The following YJU2 variants were observed in gnomAD, a reference collection of about 807,000 sequenced individuals.
YJU2 encodes splicing factor YJU2.
A neutral mutation model predicts 39.6 loss-of-function variants in YJU2; 28 were observed. The ratio of observed to expected loss-of-function variants is 0.71; its 90% CI spans 0.52 to 0.97. The LOEUF is 0.97. Ranked by LOEUF, YJU2 falls within the 50% of genes least tolerant of loss-of-function variation. YJU2 has a pLI of 0.00. For synonymous variants in YJU2, 184 were observed against 182.4 expected (o/e 1.01, Z -0.07); for missense variants, 328 against 430.4 (o/e 0.76, Z 2.11).
At chr19:4,247,365 C>A (rs1169623008) in intron 1 of YJU2, 195 bp downstream of exon 1, 1 of 564,402 alleles carries the variant, frequency 1.8e-6, no homozygotes, top group South Asian at 2.2e-5. Flanking sequence ...CGCTAAGTCT[C>A]CCTTCTGGGC....
At chr19:4,249,148 C>T in intron 1 of YJU2, 80 bp from the exon 2 acceptor site, 1 of 970,750 alleles carries the variant, frequency 1.0e-6, no homozygotes, top group South Asian at 1.5e-5. Context: ...CGACACAGCT[C>T]CCCAGAGCCC....
chr19:4,264,850 G>A (rs1319032806), intron 6 of YJU2, among the ~76,000 whole-genome samples: 4 of 152,068 alleles, frequency 2.6e-5, no homozygotes, highest in South Asian at 2.1e-4. Flanking sequence ...CTGGTCTCAC[G>A]CACCTGGCCT....
In YJU2 at chr19:4,251,132, C is replaced by T. The variant is rs773145315; in HGVS notation, c.231C>T (p.Tyr77=). The change falls in exon 3 of 8, where the codon TAC becomes TAT. Residue 77 remains tyrosine (Y), a synonymous_variant. Coordinates refer to ENST00000262962, the MANE Select transcript of YJU2 (RefSeq NM_018074.6). Reference sequence around the variant, plus strand: ...TGGGCCTGCCCATCTTCCGCTTTTACATCAAGTGCACGCGCTGCCTGGCAG... The same window carrying T: ...TGGGCCTGCCCATCTTCCGCTTTTATATCAAGTGCACGCGCTGCCTGGCAG... ...VYLGLPIFRF[Y]IKCTRCLAEI... is the part of the protein sequence containing the mutation. 1.9e-5 allele frequency: 31 copies of T among 1,614,192 alleles called. No individual in the cohort carries two copies. The highest frequency in any genetic ancestry group is 4.0e-5 in the African/African-American group (3 of 75,062).
Position 4,258,244 on chromosome 19 carries a change from G to T in YJU2, c.408G>T (p.Val136=). ...EDEELNNPMK[V]LENRTKDSKL... The stretch of plus-strand genomic sequence containing the variant: ...CCCCGCCGCCCCGCGCCCGCCAGGT[G>T]CTGGAGAACCGGACCAAGGACTCCA... Residue 136 remains valine (V), a splice_region_variant and synonymous_variant, in exon 5 of 8, where the codon GTG becomes GTT. Transcript: ENST00000262962. The T allele has an allele frequency of 6.4e-7, 1 of 1,552,142 alleles. No individual in the cohort carries two copies. The highest frequency in any genetic ancestry group is 8.7e-7 in the Non-Finnish European group (1 of 1,147,348).
chr19:4,250,958 C>T (rs1020316767), intron 2 of YJU2, 69 bp from the exon 3 acceptor site: 15 of 1,557,728 alleles, frequency 9.6e-6, no homozygotes, highest in African/African-American at 1.4e-5. Context: ...TGCAGGATGC[C>T]GCAGGGACAG....
intron 6 of YJU2, among the ~76,000 whole-genome samples, chr19:4,266,977 T>A (rs1006493175): frequency 1.4e-4 from 21 of 152,212 alleles, no homozygotes; most frequent in Middle Eastern, 3.4e-3. Flanking sequence ...CAAAAAAATT[T>A]TTTTAATAAT....
chr19:4,247,515 A>G (rs1315618865), intron 1 of YJU2, among the ~76,000 whole-genome samples: 2 of 138,902 alleles, frequency 1.4e-5, no homozygotes, highest in Non-Finnish European at 3.1e-5. Context: ...CGTGGCTCTG[A>G]GAAGCCCCGC....
chr19:4,265,236 G>T (rs373020579), intron 6 of YJU2, among the ~76,000 whole-genome samples: 8 of 151,888 alleles, frequency 5.3e-5, no homozygotes, highest in South Asian at 2.1e-4. Context: ...CCACACTTGC[G>T]TTTTCTTGGT....
chr19:4,267,941 T>C (rs1971130297), intron 7 of YJU2, among the ~76,000 whole-genome samples, 167 bp downstream of exon 7: 1 of 148,916 alleles, frequency 6.7e-6, no homozygotes, highest in Non-Finnish European at 1.5e-5. Context: ...GCTTCTTTTT[T>C]TCTTTTTTCT....
chr19:4,247,199 A>G (rs377386714), intron 1 of YJU2, 29 bp downstream of exon 1: 4 of 1,609,528 alleles, frequency 2.5e-6, no homozygotes, highest in African/African-American at 1.3e-5. Context: ...GGGCTTTTCA[A>G]TCGGAGCAGG....
chr19:4,253,083 T>C (rs1234165614), intron 3 of YJU2, among the ~76,000 whole-genome samples: 1 of 151,462 alleles, frequency 6.6e-6, no homozygotes, highest in Non-Finnish European at 1.5e-5. Context: ...ATACTAAGGG[T>C]GGGGCCAGGC....
In YJU2 at chr19:4,259,088, T is replaced by G. The variant is rs1971049305; in HGVS notation, c.587+665T>G. Among the ~76,000 whole-genome samples, 3 of 135,582 alleles carry G rather than the reference T, an allele frequency of 2.2e-5. No homozygotes were observed. The South Asian group carries it at 7.7e-4, about 35-fold the overall frequency. The allele number at this position is 135,582 out of a possible 152,430, so 88.9% of individuals were successfully genotyped here. On this transcript the variant is annotated intron_variant, in intron 5 of 7. Transcript: ENST00000262962. ...ACACTTTTCTTTTTTTTTTTTTTTT[T>G]TTTTTTTTTTTTGAGACGGAGTCTC... is the stretch of plus-strand genomic sequence containing the variant.
At chr19:4,253,198 TACACACACACAC>T (rs58339658) in intron 3 of YJU2, among the ~76,000 whole-genome samples, 356 of 139,154 alleles carry the variant, frequency 2.6e-3, no homozygotes, top group African/African-American at 8.9e-3. Flanking sequence ...TGTCCGTGTC[TACACACACACAC>T]ACACACACAC....
In YJU2 at chr19:4,267,561, C is replaced by T. The variant is rs144234519; in HGVS notation, c.709-63C>T. 2.1e-4 allele frequency: 331 copies of T among 1,554,708 alleles called. No individual in the cohort carries two copies. In the African/African-American group the frequency reaches 2.5e-3, roughly 12 times the overall value. ...ATGGGGCAGTGAGCAGGGGTTGTGGCGAGGGGCCAGACTGGGCCCTGGATC... is the reference window on the plus strand; with the variant it reads ...ATGGGGCAGTGAGCAGGGGTTGTGGTGAGGGGCCAGACTGGGCCCTGGATC... On this transcript the variant is annotated intron_variant, in intron 6 of 7. Transcript: ENST00000262962.
intron 3 of YJU2, among the ~76,000 whole-genome samples, chr19:4,253,198 T>TACACAC (rs58339658): frequency 0.043 from 5,926 of 139,066 alleles, 252 homozygotes; most frequent in African/African-American, 0.11. Context: ...TGTCCGTGTC[T>TACACAC]ACACACACAC....
At chr19:4,258,523 C>T in intron 5 of YJU2, 100 bp downstream of exon 5, 5 of 1,454,772 alleles carry the variant, frequency 3.4e-6, no homozygotes, top group Non-Finnish European at 4.6e-6. Flanking sequence ...GGAGTGTCGC[C>T]TTTGCAAGGA....
intron 3 of YJU2, among the ~76,000 whole-genome samples, chr19:4,251,593 G>A (rs925898982): frequency 1.3e-5 from 2 of 151,760 alleles, no homozygotes; most frequent in African/African-American, 4.8e-5. Flanking sequence ...GCTAAGGCAG[G>A]AGAATCACTT....
chr19:4,251,289 C>G lies in YJU2; in HGVS notation c.270+118C>G, dbSNP rs551114537. On this transcript the variant is annotated intron_variant, in intron 3 of 7. Transcript: ENST00000262962. ...TCCAGGGAATCTCATTTCAGTTTAT[C>G]CCCAAGAAACAGACAACAGTTTGGG... The G allele has an allele frequency of 1.1e-4, 110 of 1,026,138 alleles. 1 individual carries two copies. The South Asian group carries it at 1.1e-3, about 10-fold the overall frequency. The allele number at this position is 1,026,138 out of a possible 1,614,324, so 63.6% of individuals were successfully genotyped here.
chr19:4,261,866 C>A, intron 5 of YJU2, 128 bp from the exon 6 acceptor site: 1 of 856,014 alleles, frequency 1.2e-6, no homozygotes, highest in Non-Finnish European at 1.8e-6. Context: ...CCTACTCCCT[C>A]CCACCCCTGC....
Sources: gnomAD v4.1 joint callset for allele counts (sites outside exome capture counted in the v4.1 genomes callset) on GRCh38, gnomAD v4.1.1 for gene constraint, MANE v1.5 for transcripts, NCBI Gene and HGNC (gene_info 2026-07-23, HGNC 2026-07-21) for gene names.